The following MEGF9 variants were observed in gnomAD, a reference collection of about 807,000 sequenced individuals.
MEGF9 encodes the protein multiple EGF like domains 9.
MEGF9 carries 6 observed loss-of-function variants against 46.8 expected under a neutral mutation model. That is an observed-to-expected ratio of 0.13 (90% CI 0.07 to 0.25). MEGF9 has a LOEUF of 0.25. Ranked by LOEUF, MEGF9 falls within the 10% of genes least tolerant of loss-of-function variation. MEGF9 has a pLI of 1.00. For synonymous variants in MEGF9, 302 were observed against 330.7 expected, an observed-to-expected ratio of 0.91 and a Z score of 0.94; for missense variants, 683 against 792.4, an observed-to-expected ratio of 0.86 and a Z score of 1.66.
At chr9:120,704,388 A>G (rs2043919297) in intron 1 of MEGF9, among the ~76,000 whole-genome samples, 1 of 152,082 alleles carries the variant, frequency 6.6e-6, no homozygotes, top group African/African-American at 2.4e-5. Flanking sequence ...AAGTTCTGTG[A>G]TTCACCTTGT....
intron 1 of MEGF9, among the ~76,000 whole-genome samples, chr9:120,696,997 G>C (rs535792835): frequency 6.6e-6 from 1 of 152,328 alleles, no homozygotes; most frequent in South Asian, 2.1e-4. Context: ...TGAGTAAGGA[G>C]AGAAGTTTAC....
In MEGF9 at chr9:120,652,183, A is replaced by C. The variant is rs201725501; in HGVS notation, c.803+7191T>G. ...ACACACACACACACACACACACACA[A>C]AAAAAAAAAAAAAAAAAACAGGTCA... is the stretch of plus-strand genomic sequence containing the variant. On this transcript the variant is annotated intron_variant, in intron 2 of 5. Transcript: ENST00000373930. Among the ~76,000 whole-genome samples the C allele has an allele frequency of 1.4e-3, 177 of 126,420 alleles. 1 individual carries two copies. The highest frequency in any genetic ancestry group is 4.8e-3 in the East Asian group (20 of 4,124). The allele number at this position is 126,420 out of a possible 152,430, so 82.9% of individuals were successfully genotyped here.
In MEGF9 at chr9:120,605,317, C is replaced by A; in HGVS notation, c.1682G>T (p.Ser561Ile). The A allele has an allele frequency of 6.2e-7, 1 of 1,614,018 alleles. No homozygotes were observed. Among genetic ancestry groups the A allele is most frequent in the Non-Finnish European group, 8.5e-7 (1 of 1,179,902 alleles). ...AATGCTGTCATGGTAGCTGCTGAAA[C>A]TGATATTGTCTTCTTTCAGCTCGAT... ...WTIELKEDNI[S>I]FSSYHDSIPN... is the part of the protein sequence containing the mutation. Residue 561 changes from serine to isoleucine, a missense_variant, in exon 6 of 6, where the codon AGT becomes ATT. Physicochemically the swap from Ser to Ile is moderately radical, Grantham distance 142. Transcript: ENST00000373930. This position sits in a 1 kb window ranked among gnomAD's most constrained non-coding sequence, Gnocchi z 4.0.
chr9:120,646,137 G>A (rs923248294), intron 2 of MEGF9, among the ~76,000 whole-genome samples: 2 of 151,986 alleles, frequency 1.3e-5, no homozygotes, highest in Admixed American at 6.6e-5. Flanking sequence ...TGGCTGTCAT[G>A]GCGTATCACC....
chr9:120,649,691 T>A (rs535874779), intron 2 of MEGF9, among the ~76,000 whole-genome samples: 1 of 152,348 alleles, frequency 6.6e-6, no homozygotes, highest in East Asian at 1.9e-4. Context: ...GAAGTGTTTT[T>A]GGTCTTTTTT....
At position 120,636,854 on chromosome 9, in the gene MEGF9, G is replaced by GT. The variant is rs545017021; in HGVS notation, c.804-14100dup. On this transcript the variant is annotated intron_variant, in intron 2 of 5. Coordinates refer to ENST00000373930, the MANE Select transcript of MEGF9 (RefSeq NM_001080497.3). ...GCCCGGCAGCCGCCCCGTCTGGGGG[G>GT]TGGGGGGGCCCCTCTGCCCGGCCGC... Among the ~76,000 whole-genome samples, 123 of 119,250 alleles carry GT rather than the reference G, an allele frequency of 1.0e-3. 2 individuals carry two copies. In the East Asian group the frequency reaches 0.027, roughly 27 times the overall value. 78.2% of individuals were successfully genotyped at this position (119,250 alleles called of 152,430 possible).
intron 3 of MEGF9, among the ~76,000 whole-genome samples, chr9:120,615,371 T>C (rs2043467766): frequency 6.6e-6 from 1 of 151,222 alleles, no homozygotes; most frequent in African/African-American, 2.4e-5. Flanking sequence ...CTTATATGTT[T>C]ACTATTTTGG....
intron 3 of MEGF9, among the ~76,000 whole-genome samples, chr9:120,614,137 C>T (rs1169467865): frequency 1.3e-5 from 2 of 152,094 alleles, no homozygotes; most frequent in Non-Finnish European, 2.9e-5. Context: ...GATCCTCCTG[C>T]CTCAGCTTCC....
At chr9:120,607,703 T>C (rs1002607257) in intron 5 of MEGF9, 38 bp downstream of exon 5, 2 of 1,598,382 alleles carry the variant, frequency 1.3e-6, no homozygotes, top group Non-Finnish European at 1.7e-6. Flanking sequence ...CTGCTAGTTT[T>C]AGATATTAAA....
At chr9:120,659,191 T>C (rs2043690548) in intron 2 of MEGF9, among the ~76,000 whole-genome samples, 183 bp downstream of exon 2, 1 of 152,200 alleles carries the variant, frequency 6.6e-6, no homozygotes, top group South Asian at 2.1e-4. Flanking sequence ...GTAAATTAGA[T>C]GTTTTTAAAT....
At chr9:120,683,974 A>ATAAAAATG (rs2132334229) in intron 1 of MEGF9, among the ~76,000 whole-genome samples, 1 of 152,318 alleles carries the variant, frequency 6.6e-6, no homozygotes, top group African/African-American at 2.4e-5. Flanking sequence ...ATAAATACAA[A>ATAAAAATG]TAAAAATGTA....
chr9:120,667,943 T>C (rs552083752), intron 1 of MEGF9, among the ~76,000 whole-genome samples: 1 of 152,212 alleles, frequency 6.6e-6, no homozygotes, highest in East Asian at 1.9e-4. Flanking sequence ...GAGAATCGCT[T>C]AAACCTGGGA....
intron 1 of MEGF9, among the ~76,000 whole-genome samples, chr9:120,692,628 G>A (rs1437511185): frequency 6.6e-6 from 1 of 151,920 alleles, no homozygotes; most frequent in Non-Finnish European, 1.5e-5. Flanking sequence ...GACAACTTTG[G>A]ACCATCCCAG....
chr9:120,630,091 A>C (rs1228102603), intron 2 of MEGF9, among the ~76,000 whole-genome samples: 1 of 152,182 alleles, frequency 6.6e-6, no homozygotes, highest in African/African-American at 2.4e-5. Context: ...ACAAATAACA[A>C]TTGTACATAT....
At chr9:120,707,910 T>C (rs777440596) in intron 1 of MEGF9, among the ~76,000 whole-genome samples, 1 of 152,242 alleles carries the variant, frequency 6.6e-6, no homozygotes, top group Middle Eastern at 3.4e-3. Flanking sequence ...CTGGGTATGG[T>C]TGCGCATGCC....
chr9:120,621,581 T>C (rs1419591431), intron 3 of MEGF9, among the ~76,000 whole-genome samples: 3 of 152,230 alleles, frequency 2.0e-5, no homozygotes, highest in Admixed American at 6.5e-5. Flanking sequence ...TTTCCCTTTA[T>C]TGTATGAAAA....
intron 2 of MEGF9, among the ~76,000 whole-genome samples, chr9:120,648,645 A>C (rs946427519): frequency 6.6e-6 from 1 of 152,204 alleles, no homozygotes; most frequent in Admixed American, 6.5e-5. Context: ...TGTCTTTTTA[A>C]AAATAAAACA....
rs1250977629 is a variant in MEGF9 at position 120,601,404 on chromosome 9, G to C, written c.*3786C>G. 1 of 152,216 alleles carries C rather than the reference G, an allele frequency of 6.6e-6. No homozygotes were observed. Among genetic ancestry groups the C allele is most frequent in the African/African-American group, 2.4e-5 (1 of 41,446 alleles). 9.4% of individuals were successfully genotyped at this position (152,216 alleles called of 1,614,324 possible). ...CCATTCCAATCAAAGCTGTCAAGAG[G>C]AAGTATTGTTGCTTTAGTTTTCTAC... On this transcript the variant is annotated 3_prime_UTR_variant, in exon 6 of 6. Transcript: ENST00000373930.
chr9:120,651,451 A>AGCAAAATAG (rs1333982718), intron 2 of MEGF9, among the ~76,000 whole-genome samples: 48 of 152,318 alleles, frequency 3.2e-4, no homozygotes, highest in Middle Eastern at 3.4e-3. Context: ...GCAGTTATGC[A>AGCAAAATAG]GCAAATTAGG....
Sources: allele counts gnomAD v4.1 joint callset (sites outside exome capture counted in the v4.1 genomes callset), GRCh38; gene constraint gnomAD v4.1.1; non-coding constraint Gnocchi (gnomAD v3.1); transcripts MANE v1.5; gene names NCBI Gene and HGNC (gene_info 2026-07-23, HGNC 2026-07-21).